Variants in CUL2 observed in about 807,000 individuals in gnomAD.
CUL2 encodes the protein cullin 2.
In CUL2, 22 loss-of-function variants were observed where a neutral mutation model predicts 110.2. That is an observed-to-expected ratio of 0.20 (90% confidence interval 0.14 to 0.28). The LOEUF (loss-of-function observed/expected upper bound fraction) is 0.28. Ranked by LOEUF, CUL2 falls within the 10% of genes least tolerant of loss-of-function variation. The pLI, the probability that CUL2 is intolerant of heterozygous loss-of-function variation, is 1.00. For missense variants in CUL2, 631 were observed against 905.5 expected (o/e 0.70, Z 3.89); for synonymous variants, 279 against 293.2 (o/e 0.95, Z 0.49).
intron 19 of CUL2, among the ~76,000 whole-genome samples, chr10:35,012,271 C>T (rs758737566): frequency 6.6e-6 from 1 of 151,930 alleles, no homozygotes; most frequent in Non-Finnish European, 1.5e-5. Flanking sequence ...AAAACATCTA[C>T]AATTTCTAGG....
intron 17 of CUL2, 108 bp downstream of exon 17, chr10:35,025,024 G>C: frequency 7.5e-7 from 1 of 1,326,910 alleles, no homozygotes; most frequent in Non-Finnish European, 9.7e-7. Flanking sequence ...AAGGTTGATG[G>C]AGGAGAAAAG....
chr10:35,075,141 T>A (rs2086782660), intron 1 of CUL2, among the ~76,000 whole-genome samples: 1 of 152,154 alleles, frequency 6.6e-6, no homozygotes, highest in Admixed American at 6.6e-5. Context: ...ACAGTTACAA[T>A]CCATGCTTGG....
At chr10:35,077,346 A>C (rs1221515696) in intron 1 of CUL2, among the ~76,000 whole-genome samples, 1 of 151,426 alleles carries the variant, frequency 6.6e-6, no homozygotes, top group African/African-American at 2.4e-5. Flanking sequence ...AAACAAACAA[A>C]AATTAGCCGG....
At chr10:35,070,860 G>T (rs937311113) in intron 2 of CUL2, among the ~76,000 whole-genome samples, 2 of 151,996 alleles carry the variant, frequency 1.3e-5, no homozygotes, top group African/African-American at 4.8e-5. Flanking sequence ...CATTTATCAC[G>T]ACCTCTTCTT....
Position 35,010,197 on chromosome 10 carries a change from A to G in CUL2, c.*114T>C. On this transcript the variant is annotated 3_prime_UTR_variant, in exon 21 of 21. Coordinates refer to ENST00000374749, the MANE Select transcript of CUL2 (RefSeq NM_003591.4). ...ACTGGTGATGTTGTAAACAGCAGAA[A>G]ACAGGGGCTGCCAAATGACCAAATT... 2.6e-6 allele frequency: 3 copies of G among 1,155,770 alleles called. No homozygotes were observed. 71.6% of individuals were successfully genotyped at this position (1,155,770 alleles called of 1,614,324 possible).
intron 1 of CUL2, among the ~76,000 whole-genome samples, chr10:35,084,033 T>C (rs1315348639): frequency 6.6e-6 from 1 of 152,128 alleles, no homozygotes; most frequent in East Asian, 1.9e-4. Flanking sequence ...TCCCAGCACC[T>C]TGGAAGGCCA....
At chr10:35,106,486 ATT>A (rs369482307) in intron 1 of CUL2, among the ~76,000 whole-genome samples, 5 of 147,262 alleles carry the variant, frequency 3.4e-5, no homozygotes, top group Admixed American at 6.8e-5. Context: ...CGCCCGGCTA[ATT>A]TTTTTTTTTC....
intron 3 of CUL2, among the ~76,000 whole-genome samples, chr10:35,061,888 G>A (rs1324254059): frequency 6.6e-6 from 1 of 151,296 alleles, no homozygotes; most frequent in Non-Finnish European, 1.5e-5. Context: ...GATTACAGGT[G>A]TAAGCCACCG....
chr10:35,057,608 G>A (rs773506279), intron 4 of CUL2, among the ~76,000 whole-genome samples: 15 of 149,234 alleles, frequency 1.0e-4, no homozygotes, highest in African/African-American at 1.5e-4. Context: ...AGCCGAGATC[G>A]TGCCACTGCA....
chr10:35,100,133 ATAT>A, intron 2 of CUL2, among the ~76,000 whole-genome samples: 1 of 151,962 alleles, frequency 6.6e-6, no homozygotes. Flanking sequence ...ATTTAATAAA[ATAT>A]TATATAAAAT....
intron 6 of CUL2, among the ~76,000 whole-genome samples, chr10:35,046,111 G>A (rs760909291): frequency 5.9e-5 from 9 of 152,150 alleles, no homozygotes; most frequent in Admixed American, 2.0e-4. Context: ...TGGATATTCT[G>A]AGAACTATTT....
In CUL2 at chr10:35,009,809, C is replaced by G. The variant is rs1242071328; in HGVS notation, c.*502G>C. 6.6e-6 allele frequency: 1 copy of G among 152,120 alleles called. No homozygotes were observed. Among genetic ancestry groups the G allele is most frequent in the Non-Finnish European group, 1.5e-5 (1 of 67,958 alleles). The allele number at this position is 152,120 out of a possible 1,614,324, so 9.4% of individuals were successfully genotyped here. A position where few individuals can be genotyped will look rare whatever the true frequency, so the allele number is the denominator to read the frequency against. ...TAAAGATGCATTAGCTGCTTTGAGT[C>G]AATATATTTTGTGGTCAACCTGATA... On this transcript the variant is annotated 3_prime_UTR_variant, in exon 21 of 21. Transcript: ENST00000374749.
upstream of CUL2, among the ~76,000 whole-genome samples, chr10:35,092,616 T>C (rs1422497046): frequency 1.3e-5 from 2 of 152,204 alleles, no homozygotes; most frequent in Non-Finnish European, 2.9e-5. Flanking sequence ...TTTTTCATGG[T>C]GAAACTGCCT....
upstream of CUL2, among the ~76,000 whole-genome samples, chr10:35,091,050 C>G (rs2087196472): frequency 2.0e-5 from 3 of 152,174 alleles, no homozygotes; most frequent in South Asian, 6.2e-4. Flanking sequence ...AAAGAAACTT[C>G]ACATCTTTTT....
At chr10:35,061,102 A>G (rs2086369391) in intron 3 of CUL2, 134 bp from the exon 4 acceptor site, 3 of 933,570 alleles carry the variant, frequency 3.2e-6, no homozygotes, top group Non-Finnish European at 4.7e-6. Flanking sequence ...TACACAACAC[A>G]TATTAACTAC....
chr10:35,040,611 A>G (rs1454477932), intron 8 of CUL2, among the ~76,000 whole-genome samples: 1 of 152,172 alleles, frequency 6.6e-6, no homozygotes, highest in African/African-American at 2.4e-5. Flanking sequence ...CTTTGAAGCC[A>G]GGAGTTCAGG....
chr10:35,013,368 G>GGA (rs2084952104), intron 19 of CUL2, among the ~76,000 whole-genome samples: 1 of 149,594 alleles, frequency 6.7e-6, no homozygotes, highest in Non-Finnish European at 1.5e-5. Flanking sequence ...AAAATGAACT[G>GGA]GAGAACTTTC....
At chr10:35,095,816 C>G (rs1185716334) in intron 2 of CUL2, among the ~76,000 whole-genome samples, 4 of 152,274 alleles carry the variant, frequency 2.6e-5, no homozygotes, top group Non-Finnish European at 1.5e-5. Context: ...CCGCCTCAGC[C>G]TCCCAAAGAG....
At chr10:35,083,154 CAAAAAA>C (rs35028347) in intron 1 of CUL2, among the ~76,000 whole-genome samples, 1 of 111,076 alleles carries the variant, frequency 9.0e-6, no homozygotes, top group Admixed American at 9.8e-5. Context: ...GACTCCATCT[CAAAAAA>C]AAAAAAAAAG....
Sources: allele counts gnomAD v4.1 joint callset (sites outside exome capture counted in the v4.1 genomes callset), GRCh38; gene constraint gnomAD v4.1.1; transcripts MANE v1.5; gene names NCBI Gene and HGNC (gene_info 2026-07-23, HGNC 2026-07-21).